ESYT2: variants seen among roughly 807,000 people sequenced by gnomAD.
The protein encoded by ESYT2 is extended synaptotagmin-2.
Under a neutral mutation model 107.2 loss-of-function variants are expected in ESYT2, and 54 were observed. The ratio of observed to expected loss-of-function variants is 0.50; its 90% CI spans 0.40 to 0.63. The LOEUF (loss-of-function observed/expected upper bound fraction) is 0.63. Ranked by LOEUF, ESYT2 falls within the 30% of genes least tolerant of loss-of-function variation. The probability of loss-of-function intolerance (pLI) is 0.00; values close to 1 mark genes in which losing one functional copy is unlikely to be tolerated. For missense variants in ESYT2, 1,020 were observed against 1,094.5 expected, an observed-to-expected ratio of 0.93 and a Z score of 0.96; for synonymous variants, 491 against 434.1, an observed-to-expected ratio of 1.13 and a Z score of -1.63.
chr7:158,751,683 C>G (rs533411737), intron 14 of ESYT2, among the ~76,000 whole-genome samples: 2 of 152,298 alleles, frequency 1.3e-5, no homozygotes, highest in East Asian at 3.9e-4. Flanking sequence ...TCGATAATTT[C>G]ATGAAGAGGA....
intron 6 of ESYT2, among the ~76,000 whole-genome samples, chr7:158,777,843 A>C (rs1465937200): frequency 6.6e-6 from 1 of 152,204 alleles, no homozygotes. Context: ...CACAGATCAC[A>C]GTCACAGATA....
intron 6 of ESYT2, among the ~76,000 whole-genome samples, chr7:158,782,406 G>C (rs928821788): frequency 6.7e-6 from 1 of 149,278 alleles, no homozygotes; most frequent in Admixed American, 6.7e-5. Context: ...GAACAAGTGA[G>C]TGAACGAGTG....
Position 158,745,379 on chromosome 7 carries a change from G to A in ESYT2, c.1645-1701C>T, listed in dbSNP as rs558484682. On this transcript the variant is annotated intron_variant, in intron 16 of 22. Coordinates refer to ENST00000275418, the MANE Select transcript of ESYT2 (RefSeq NM_001367773.1). ...CAAGATACAAGTAGCAAAAACAGAG[G>A]CTGAGGAAAAAAACATAAATTCAGA... Among the ~76,000 whole-genome samples the A allele has an allele frequency of 3.3e-5, 5 of 152,286 alleles. No individual in the cohort carries two copies. In the South Asian group the frequency reaches 1.0e-3, roughly 32 times the overall value.
chr7:158,776,649 A>G (rs1838576229), intron 6 of ESYT2, among the ~76,000 whole-genome samples: 1 of 152,202 alleles, frequency 6.6e-6, no homozygotes, highest in Non-Finnish European at 1.5e-5. Context: ...TGGGCTGATC[A>G]TCTCTCCAGG....
chr7:158,747,103 T>G (rs922244689), intron 16 of ESYT2, among the ~76,000 whole-genome samples: 8 of 151,628 alleles, frequency 5.3e-5, no homozygotes, highest in African/African-American at 1.9e-4. Flanking sequence ...CCCAGCACGT[T>G]GGGAGGCCAC....
chr7:158,762,704 A>G (rs1232607232), intron 10 of ESYT2, among the ~76,000 whole-genome samples: 1 of 152,248 alleles, frequency 6.6e-6, no homozygotes, highest in Non-Finnish European at 1.5e-5. Flanking sequence ...CAAAAAACTT[A>G]AAAAACCCAT....
chr7:158,742,259 C>A (rs953407677), intron 17 of ESYT2, among the ~76,000 whole-genome samples: 1 of 152,128 alleles, frequency 6.6e-6, no homozygotes, highest in Non-Finnish European at 1.5e-5. Flanking sequence ...AGCAACAGGG[C>A]GGTGGCAGTG....
intron 15 of ESYT2, among the ~76,000 whole-genome samples, chr7:158,748,722 AT>A (rs966024386): frequency 1.4e-5 from 2 of 144,502 alleles, no homozygotes; most frequent in African/African-American, 2.6e-5. Flanking sequence ...TTTATTTTTT[AT>A]TTTTTTTTGG....
chr7:158,769,549 T>G (rs1365661287), intron 7 of ESYT2, among the ~76,000 whole-genome samples: 1 of 152,266 alleles, frequency 6.6e-6, no homozygotes, highest in Admixed American at 6.5e-5. Flanking sequence ...GGAGTCACTA[T>G]TTCCCTGTGT....
At chr7:158,782,594 A>AG (rs36186730) in intron 6 of ESYT2, among the ~76,000 whole-genome samples, 95,956 of 146,280 alleles carry the variant, frequency 0.66, 34,026 homozygotes, top group Non-Finnish European at 0.79. Flanking sequence ...ATGAGTGTGA[A>AG]GGAACAAGAG....
rs767261849 is a variant in ESYT2 at position 158,761,487 on chromosome 7, GA to G, written c.1233+8del. 32 of 1,613,826 alleles carry G rather than the reference GA, an allele frequency of 2.0e-5. No individual in the cohort carries two copies. The highest frequency in any genetic ancestry group is 2.5e-5 in the Non-Finnish European group (30 of 1,179,872). On this transcript the variant is annotated splice_region_variant and intron_variant, in intron 11 of 22. Transcript: ENST00000275418. ...ATTGTAAACAGACCCACACTCCAGG[GA>G]AACTTACTTCATCTAAAAGGCGCTC...
chr7:158,806,881 T>G (rs889670291), intron 1 of ESYT2, among the ~76,000 whole-genome samples: 2 of 152,182 alleles, frequency 1.3e-5, no homozygotes, highest in East Asian at 3.8e-4. Context: ...TTAATTCAAA[T>G]ATACACGCTT....
rs763608184 is a variant in ESYT2 at position 158,759,535 on chromosome 7, A to G, written c.1370T>C (p.Leu457Pro). ...KADKDQANDG[L>P]SSALLILYLD... is the part of the protein sequence containing the mutation. ...GTACAAGATCAGCAATGCAGAGGAA[A>G]GACCATCGTTGGCTTGGTCTTTGTC... The change falls in exon 13 of 23, where the codon CTT becomes CCT. Residue 457 changes from leucine (L) to proline (P), a missense_variant. Leu to Pro is a moderately conservative substitution (Grantham distance 98, BLOSUM62 -3). Transcript: ENST00000275418. 4.3e-6 allele frequency: 7 copies of G among 1,612,824 alleles called. No individual in the cohort carries two copies. Among genetic ancestry groups the G allele is most frequent in the South Asian group, 3.3e-5 (3 of 91,040 alleles).
Position 158,748,241 on chromosome 7 carries a change from A to G in ESYT2, c.1597T>C (p.Phe533Leu). The change falls in exon 16 of 23, where the codon TTC becomes CTC. Residue 533 changes from phenylalanine (F) to leucine (L), a missense_variant. Physicochemically the swap from Phe to Leu is conservative, Grantham distance 22. Coordinates refer to ENST00000275418, the MANE Select transcript of ESYT2 (RefSeq NM_001367773.1). ...TTGGGATTGTGAATGAAGAAAGTGA[A>G]GTTTTCCTCCCACACAGGTTCATTG... is the stretch of plus-strand genomic sequence containing the variant. ...KTNEPVWEEN[F>L]TFFIHNPKRQ... is the part of the protein sequence containing the mutation. 1 of 1,614,220 alleles carries G rather than the reference A, an allele frequency of 6.2e-7. No homozygotes were observed. The highest frequency in any genetic ancestry group is 8.5e-7 in the Non-Finnish European group (1 of 1,180,034).
At position 158,781,482 on chromosome 7, in the gene ESYT2, G is replaced by A. The variant is rs1358437084; in HGVS notation, c.747+6522C>T. 2.7e-5 allele frequency among the ~76,000 whole-genome samples: 4 copies of A among 150,928 alleles called. No individual in the cohort carries two copies. In the East Asian group the frequency reaches 5.8e-4, roughly 22 times the overall value. ...AGAACAAAGTGTGAGAGGTGTGAGT[G>A]TGAAACAAGTGAACGAGTGAACGTG... On this transcript the variant is annotated intron_variant, in intron 6 of 22. Transcript: ENST00000275418.
chr7:158,740,106 GC>G lies in ESYT2; in HGVS notation c.2169-986del, dbSNP rs565968413. Among the ~76,000 whole-genome samples the G allele has an allele frequency of 4.2e-3, 638 of 152,320 alleles. 4 individuals are homozygous for G. Among genetic ancestry groups the G allele is most frequent in the African/African-American group, 0.015 (621 of 41,568 alleles). Reference sequence around the variant, plus strand: ...GACCCCTGCTCCACCGGCGCTAACTGCAGCTTTGACTGACGAGAGGCTGATT... The same window carrying G: ...GACCCCTGCTCCACCGGCGCTAACTGAGCTTTGACTGACGAGAGGCTGATT... On this transcript the variant is annotated intron_variant, in intron 18 of 22. Transcript: ENST00000275418.
chr7:158,792,442 C>T (rs1237328020), intron 4 of ESYT2, among the ~76,000 whole-genome samples: 2 of 151,166 alleles, frequency 1.3e-5, no homozygotes, highest in Non-Finnish European at 2.9e-5. Flanking sequence ...GTGAGAGGAT[C>T]GCTTGATTCT....
At chr7:158,745,766 C>A (rs1837381959) in intron 16 of ESYT2, among the ~76,000 whole-genome samples, 1 of 151,582 alleles carries the variant, frequency 6.6e-6, no homozygotes, top group African/African-American at 2.4e-5. Flanking sequence ...AAGGAAAAAA[C>A]TGAAAGGGAA....
At chr7:158,790,091 C>T (rs1261623858) in intron 4 of ESYT2, among the ~76,000 whole-genome samples, 1 of 152,130 alleles carries the variant, frequency 6.6e-6, no homozygotes, top group African/African-American at 2.4e-5. Context: ...CACTGCCTGA[C>T]CCGAGACATA....
Sources: gnomAD v4.1 joint callset for allele counts (sites outside exome capture counted in the v4.1 genomes callset) on GRCh38, gnomAD v4.1.1 for gene constraint, MANE v1.5 for transcripts, NCBI Gene and HGNC (gene_info 2026-07-23, HGNC 2026-07-21) for gene names.